The following CNTN5 variants were observed in gnomAD, a reference collection of about 807,000 sequenced individuals.
The protein encoded by CNTN5 is contactin 5.
In CNTN5, 77 loss-of-function variants were observed where a neutral mutation model predicts 129.1. The ratio of observed to expected loss-of-function variants is 0.60; its 90% CI spans 0.50 to 0.72. The LOEUF (loss-of-function observed/expected upper bound fraction) is 0.72, where lower values mean the gene tolerates loss of function less well. Among genes scored for constraint, CNTN5 ranks in the 30% least tolerant of loss-of-function variants. The pLI is 0.00. For synonymous variants in CNTN5, 509 were observed against 465.6 expected, an observed-to-expected ratio of 1.09 and a Z score of -1.20; for missense variants, 1,478 against 1,328.8, an observed-to-expected ratio of 1.11 and a Z score of -1.75.
chr11:99,633,572 A>G (rs1392302402), intron 3 of CNTN5, among the ~76,000 whole-genome samples: 2 of 152,142 alleles, frequency 1.3e-5, no homozygotes, highest in East Asian at 3.9e-4. Flanking sequence ...AGCAGCTTCT[A>G]CAAGCAAGAT....
intron 7 of CNTN5, among the ~76,000 whole-genome samples, chr11:99,926,320 G>C (rs968265057): frequency 5.3e-5 from 8 of 152,020 alleles, no homozygotes; most frequent in African/African-American, 1.9e-4. Context: ...GAAGGGGAAG[G>C]GATCAAGAAA....
At chr11:99,223,063 T>C (rs148599560) in intron 1 of CNTN5, among the ~76,000 whole-genome samples, 18 of 152,230 alleles carry the variant, frequency 1.2e-4, no homozygotes, top group South Asian at 8.3e-4. Context: ...TTGAATCTAC[T>C]AGCAAATCAG....
chr11:100,135,005 T>C, intron 13 of CNTN5, among the ~76,000 whole-genome samples: 1 of 152,138 alleles, frequency 6.6e-6, no homozygotes, highest in Non-Finnish European at 1.5e-5. Flanking sequence ...ATTGGTTTGA[T>C]TAATTGTTAA....
chr11:99,212,183 C>G (rs1859836317), intron 1 of CNTN5, among the ~76,000 whole-genome samples: 1 of 152,128 alleles, frequency 6.6e-6, no homozygotes. Flanking sequence ...TGCACGTGTT[C>G]TGGGAATCAA....
intron 1 of CNTN5, among the ~76,000 whole-genome samples, chr11:99,142,193 G>A (rs552769320): frequency 6.6e-6 from 1 of 152,196 alleles, no homozygotes; most frequent in African/African-American, 2.4e-5. Flanking sequence ...CACTAGGGGG[G>A]CCTAGGTGTT....
At chr11:100,070,310 T>C (rs1379963108) in intron 10 of CNTN5, 114 bp from the exon 11 acceptor site, 35 of 1,072,410 alleles carry the variant, frequency 3.3e-5, no homozygotes, top group Non-Finnish European at 4.5e-5. Context: ...AAAATACCTA[T>C]GGTTGAATGA....
At chr11:100,164,507 G>GA (rs907031945) in intron 13 of CNTN5, among the ~76,000 whole-genome samples, 4 of 151,516 alleles carry the variant, frequency 2.6e-5, no homozygotes, top group Admixed American at 6.6e-5. Flanking sequence ...AGGTGAATTA[G>GA]AAAAAAATGG....
chr11:100,050,349 A>C (rs1025229649), intron 9 of CNTN5, among the ~76,000 whole-genome samples: 1 of 152,128 alleles, frequency 6.6e-6, no homozygotes. Flanking sequence ...ATTGGAAATC[A>C]TCATTCTCAA....
At chr11:99,778,639 G>A (rs112891648) in intron 3 of CNTN5, among the ~76,000 whole-genome samples, 3 of 151,456 alleles carry the variant, frequency 2.0e-5, no homozygotes, top group Non-Finnish European at 4.4e-5. Context: ...GTTCATCATA[G>A]GTTAAAGCCC....
chr11:99,288,717 C>T (rs912600409), intron 1 of CNTN5, among the ~76,000 whole-genome samples: 1 of 151,862 alleles, frequency 6.6e-6, no homozygotes, highest in Non-Finnish European at 1.5e-5. Flanking sequence ...AACATGAAAA[C>T]TAAATTCACT....
chr11:99,232,220 A>T (rs1198622576), intron 1 of CNTN5, among the ~76,000 whole-genome samples: 1 of 152,136 alleles, frequency 6.6e-6, no homozygotes, highest in East Asian at 1.9e-4. Flanking sequence ...AATCGCACTG[A>T]ATCTATAAAT....
intron 2 of CNTN5, among the ~76,000 whole-genome samples, chr11:99,461,899 T>C (rs1316583197): frequency 6.6e-6 from 1 of 152,178 alleles, no homozygotes; most frequent in African/African-American, 2.4e-5. Flanking sequence ...AAAGTAAATG[T>C]GTTTTCTTCA....
At chr11:100,125,597 G>A (rs991212064) in intron 13 of CNTN5, among the ~76,000 whole-genome samples, 8 of 151,934 alleles carry the variant, frequency 5.3e-5, no homozygotes, top group African/African-American at 1.9e-4. Flanking sequence ...CCATGACTTC[G>A]CTATTGTAAA....
intron 2 of CNTN5, among the ~76,000 whole-genome samples, chr11:99,553,480 C>T (rs973873446): frequency 2.6e-5 from 4 of 151,824 alleles, no homozygotes; most frequent in Admixed American, 6.6e-5. Context: ...TCAAAAGAAA[C>T]GTGTAAAAAG....
chr11:99,386,248 C>T (rs763658201), intron 2 of CNTN5, among the ~76,000 whole-genome samples: 11 of 152,160 alleles, frequency 7.2e-5, no homozygotes, highest in Non-Finnish European at 1.5e-4. Flanking sequence ...GTTCTTGGAT[C>T]TCACACAAGA....
At chr11:99,888,163 C>T (rs997343613) in intron 6 of CNTN5, among the ~76,000 whole-genome samples, 8 of 152,096 alleles carry the variant, frequency 5.3e-5, no homozygotes, top group South Asian at 2.1e-4. Flanking sequence ...TTATATGTTA[C>T]GAATCATTAT....
At chr11:100,332,431 A>G (rs1257217693) in intron 21 of CNTN5, among the ~76,000 whole-genome samples, 1 of 152,154 alleles carries the variant, frequency 6.6e-6, no homozygotes, top group Non-Finnish European at 1.5e-5. Context: ...TACCAATTCT[A>G]CTGACACTAC....
intron 16 of CNTN5, among the ~76,000 whole-genome samples, chr11:100,233,167 T>G (rs972100435): frequency 1.3e-5 from 2 of 152,144 alleles, no homozygotes; most frequent in African/African-American, 4.8e-5. Flanking sequence ...TCAATTTCAT[T>G]GATCATGATA....
intron 3 of CNTN5, 142 bp downstream of exon 3, chr11:99,556,411 C>T: frequency 2.1e-6 from 1 of 477,578 alleles, no homozygotes. Context: ...AGAAAGGCAG[C>T]AACCCTTAAG....
Sources: allele counts gnomAD v4.1 joint callset (sites outside exome capture counted in the v4.1 genomes callset), GRCh38; gene constraint gnomAD v4.1.1; transcripts MANE v1.5; gene names NCBI Gene and HGNC (gene_info 2026-07-23, HGNC 2026-07-21).